Variants in BTN2A2 observed in about 807,000 individuals in gnomAD.
BTN2A2 encodes butyrophilin 2.
A neutral mutation model predicts 34.7 loss-of-function variants in BTN2A2; 29 were observed. The ratio of observed to expected loss-of-function variants is 0.84; its 90% CI spans 0.62 to 1.14. The LOEUF is 1.14. Ranked by LOEUF, BTN2A2 falls within the 50% of genes most tolerant of loss-of-function variation. The pLI is 0.00. For synonymous variants in BTN2A2, 240 were observed against 253.1 expected (o/e 0.95, Z 0.49); for missense variants, 612 against 651.5 (o/e 0.94, Z 0.66).
Position 26,393,268 on chromosome 6 carries a change from T to G in BTN2A2, c.*301T>G. ...AGAAGCTGTTGGGCAGCGAACCTAC[T>G]GTTTAAAATCAGGATAACCACATTA... On this transcript the variant is annotated 3_prime_UTR_variant, in exon 8 of 8. Coordinates refer to ENST00000356709, the MANE Select transcript of BTN2A2 (RefSeq NM_006995.5). The G allele has an allele frequency of 7.1e-7, 1 of 1,404,862 alleles. No homozygotes were observed. Among genetic ancestry groups the G allele is most frequent in the Non-Finnish European group, 9.3e-7 (1 of 1,073,922 alleles). The allele number at this position is 1,404,862 out of a possible 1,614,324, so 87.0% of individuals were successfully genotyped here.
rs1761780930 is a variant in BTN2A2 at position 26,394,800 on chromosome 6, G to A, written c.*1833G>A. 1 of 154,564 alleles carries A rather than the reference G, an allele frequency of 6.5e-6. No homozygotes were observed. Among genetic ancestry groups the A allele is most frequent in the Non-Finnish European group, 1.4e-5 (1 of 69,782 alleles). 9.6% of individuals were successfully genotyped at this position (154,564 alleles called of 1,614,324 possible). ...TATCTGTATGTGCATCTATATCTAT[G>A]CCTATATCTATATCTATATCATATT... On this transcript the variant is annotated 3_prime_UTR_variant, in exon 8 of 8. Coordinates refer to ENST00000356709, the MANE Select transcript of BTN2A2 (RefSeq NM_006995.5).
Position 26,383,368 on chromosome 6 carries a change from C to G in BTN2A2, c.-31+187C>G, listed in dbSNP as rs912679820. On this transcript the variant is annotated intron_variant, in intron 1 of 7. Coordinates refer to ENST00000356709, the MANE Select transcript of BTN2A2 (RefSeq NM_006995.5). The surrounding 1 kb of genome is among the most constrained non-coding windows in gnomAD (Gnocchi z 4.4). ...CCGGGGTGGGGGCGGTAGCTGGGGG[C>G]GGTAGGTGCGGGGAGCGGGATCTGC... The G allele has an allele frequency of 3.7e-5, 6 of 164,350 alleles. No individual in the cohort carries two copies. Among genetic ancestry groups the G allele is most frequent in the Non-Finnish European group, 7.8e-5 (6 of 76,848 alleles). The allele number at this position is 164,350 out of a possible 1,614,324, so 10.2% of individuals were successfully genotyped here. A position where few individuals can be genotyped will look rare whatever the true frequency, so the allele number is the denominator to read the frequency against.
Position 26,384,227 on chromosome 6 carries a change from G to A in BTN2A2, c.94+312G>A, listed in dbSNP as rs1280724701. 1.3e-5 allele frequency among the ~76,000 whole-genome samples: 2 copies of A among 152,168 alleles called. No individual in the cohort carries two copies. Among genetic ancestry groups the A allele is most frequent in the Non-Finnish European group, 2.9e-5 (2 of 68,028 alleles). On this transcript the variant is annotated intron_variant, in intron 2 of 7. Coordinates refer to ENST00000356709, the MANE Select transcript of BTN2A2 (RefSeq NM_006995.5). The surrounding 1 kb of genome is among the most constrained non-coding windows in gnomAD (Gnocchi z 4.0). ...ATGGAGAATGAGATCATAACTCACT[G>A]TAACCTGAAACTCCTGGGCTCAAGG...
In BTN2A2 at chr6:26,385,637, G is replaced by C. The variant is rs1581591648; in HGVS notation, c.442+275G>C. The C allele has an allele frequency of 9.1e-6, 3 of 329,990 alleles. No individual in the cohort carries two copies. In the East Asian group the frequency reaches 2.0e-4, roughly 22 times the overall value. The allele number at this position is 329,990 out of a possible 1,614,324, so 20.4% of individuals were successfully genotyped here. A position where few individuals can be genotyped will look rare whatever the true frequency, so the allele number is the denominator to read the frequency against. ...GCGATCTTGGCTCACTGCAACCTCT[G>C]CCTCCTGGGTTCAAGCTATTCTCCT... On this transcript the variant is annotated intron_variant, in intron 3 of 7. Coordinates refer to ENST00000356709, the MANE Select transcript of BTN2A2 (RefSeq NM_006995.5).
chr6:26,390,996 T>C, intron 7 of BTN2A2, 167 bp downstream of exon 7: 1 of 1,001,690 alleles, frequency 1.0e-6, no homozygotes, highest in Non-Finnish European at 1.5e-6. Flanking sequence ...GGCTCTTCTG[T>C]CAGGGAACCC....
chr6:26,393,946 G>T lies in BTN2A2; in HGVS notation c.*979G>T. ...TAGGTTAATGTAGATAGGATGTTTTGTGAAAAAGCAATCTATTGTGTCCAA... is the reference window on the plus strand; with the variant it reads ...TAGGTTAATGTAGATAGGATGTTTTTTGAAAAAGCAATCTATTGTGTCCAA... On this transcript the variant is annotated 3_prime_UTR_variant, in exon 8 of 8. Transcript: ENST00000356709. 3.3e-6 allele frequency: 1 copy of T among 304,558 alleles called. No individual in the cohort carries two copies. Among genetic ancestry groups the T allele is most frequent in the East Asian group, 9.5e-5 (1 of 10,528 alleles). 18.9% of individuals were successfully genotyped at this position (304,558 alleles called of 1,614,324 possible). A position where few individuals can be genotyped will look rare whatever the true frequency, so the allele number is the denominator to read the frequency against.
intron 7 of BTN2A2, 31 bp downstream of exon 7, chr6:26,390,860 A>G: frequency 1.2e-6 from 2 of 1,613,600 alleles, no homozygotes. Flanking sequence ...CTCAGATCTC[A>G]GCTTTCTCCC....
Position 26,383,500 on chromosome 6 carries a change from A to G in BTN2A2, c.-30-292A>G. The G allele has an allele frequency of 7.4e-6, 2 of 268,460 alleles. No homozygotes were observed. The highest frequency in any genetic ancestry group is 7.1e-6 in the Non-Finnish European group (1 of 140,068). 16.6% of individuals were successfully genotyped at this position (268,460 alleles called of 1,614,324 possible). A position where few individuals can be genotyped will look rare whatever the true frequency, so the allele number is the denominator to read the frequency against. On this transcript the variant is annotated intron_variant, in intron 1 of 7. Coordinates refer to ENST00000356709, the MANE Select transcript of BTN2A2 (RefSeq NM_006995.5). The surrounding 1 kb of genome is among the most constrained non-coding windows in gnomAD (Gnocchi z 4.4). ...CCCGACCTGGGTCTCGGGGAGGGGG[A>G]AGTGGAGGGACGAGGGTGTGAAAGA...
chr6:26,383,799 G>T lies in BTN2A2; in HGVS notation c.-23G>T. The T allele has an allele frequency of 6.2e-7, 1 of 1,611,630 alleles. No individual in the cohort carries two copies. Among genetic ancestry groups the T allele is most frequent in the South Asian group, 1.1e-5 (1 of 91,034 alleles). ...CCTCCTCTGTAACCCTAGGCCTCTGGTCTCTGCCTGCCCTGGGTGCTCATG... is the reference window on the plus strand; with the variant it reads ...CCTCCTCTGTAACCCTAGGCCTCTGTTCTCTGCCTGCCCTGGGTGCTCATG... On this transcript the variant is annotated 5_prime_UTR_variant, in exon 2 of 8. Transcript: ENST00000356709. This position sits in a 1 kb window ranked among gnomAD's most constrained non-coding sequence, Gnocchi z 4.4.
Position 26,384,009 on chromosome 6 carries a change from T to C in BTN2A2, c.94+94T>C. 1 of 1,388,182 alleles carries C rather than the reference T, an allele frequency of 7.2e-7. No homozygotes were observed. 86.0% of individuals were successfully genotyped at this position (1,388,182 alleles called of 1,614,324 possible). A position where few individuals can be genotyped will look rare whatever the true frequency, so the allele number is the denominator to read the frequency against. ...GAAAGAAGGAAGAACTGTGGGGTTG[T>C]TGACTTATCCTTTCATTCTGAACAT... On this transcript the variant is annotated intron_variant, in intron 2 of 7. Coordinates refer to ENST00000356709, the MANE Select transcript of BTN2A2 (RefSeq NM_006995.5). The surrounding 1 kb of genome is among the most constrained non-coding windows in gnomAD (Gnocchi z 4.0).
intron 4 of BTN2A2, 31 bp from the exon 5 acceptor site, chr6:26,389,974 A>C (rs775434637): frequency 1.1e-5 from 18 of 1,605,696 alleles, no homozygotes; most frequent in Non-Finnish European, 1.5e-5. Flanking sequence ...TCTATTTCAA[A>C]CTAAATGGAC....
intron 5 of BTN2A2, chr6:26,390,459 C>T (rs1761503365): frequency 1.5e-6 from 1 of 683,382 alleles, no homozygotes; most frequent in Admixed American, 2.7e-5. Flanking sequence ...TGGCTATATG[C>T]AGCACTACAT....
In BTN2A2 at chr6:26,384,033, A is replaced by T. The variant is rs1761028480; in HGVS notation, c.94+118A>T. 2.5e-6 allele frequency: 3 copies of T among 1,188,148 alleles called. No homozygotes were observed. The highest frequency in any genetic ancestry group is 3.7e-6 in the Non-Finnish European group (3 of 813,340). 73.6% of individuals were successfully genotyped at this position (1,188,148 alleles called of 1,614,324 possible). ...GTTGACTTATCCTTTCATTCTGAAC[A>T]TGTTCACTGAATTTATACCAGCACT... On this transcript the variant is annotated intron_variant, in intron 2 of 7. Coordinates refer to ENST00000356709, the MANE Select transcript of BTN2A2 (RefSeq NM_006995.5). The surrounding 1 kb of genome is among the most constrained non-coding windows in gnomAD (Gnocchi z 4.0).
chr6:26,392,244 G>A (rs1761620209), intron 7 of BTN2A2, 131 bp from the exon 8 acceptor site: 1 of 1,556,878 alleles, frequency 6.4e-7, no homozygotes, highest in South Asian at 1.2e-5. Context: ...CTGGGATCAG[G>A]GGACCTTCAT....
chr6:26,389,061 G>A (rs952264766), intron 4 of BTN2A2, among the ~76,000 whole-genome samples: 4 of 151,910 alleles, frequency 2.6e-5, no homozygotes, highest in Admixed American at 6.6e-5. Flanking sequence ...CAGAGCTTGC[G>A]TCAAGATCGT....
At chr6:26,385,711 C>T (rs1263072474) in intron 3 of BTN2A2, among the ~76,000 whole-genome samples, 12 of 152,104 alleles carry the variant, frequency 7.9e-5, no homozygotes, top group Admixed American at 1.3e-4. Flanking sequence ...CCACCATGCC[C>T]GGCTAATTTT....
At chr6:26,390,612 G>C (rs144759707) in intron 5 of BTN2A2, 75 bp from the exon 6 acceptor site, 5 of 1,591,764 alleles carry the variant, frequency 3.1e-6, no homozygotes, top group Non-Finnish European at 4.3e-6. Context: ...TGGTTCCTAC[G>C]TTGTTTAATA....
At position 26,385,358 on chromosome 6, in the gene BTN2A2, G is replaced by A. The variant is rs1302351072; in HGVS notation, c.438G>A (p.Val146=). The A allele has an allele frequency of 3.1e-6, 5 of 1,611,872 alleles. No individual in the cohort carries two copies. The highest frequency in any genetic ancestry group is 3.4e-6 in the Non-Finnish European group (4 of 1,178,384). The change falls in exon 3 of 8, where the codon GTG becomes GTA. Residue 146 remains valine, a synonymous_variant. Coordinates refer to ENST00000356709, the MANE Select transcript of BTN2A2 (RefSeq NM_006995.5). The part of the protein sequence containing the change: ...SYDEAILRLV[V]AGLGSKPLIE... ...ATGAGGCCATCCTACGCCTCGTGGT[G>A]GCAGGTGCATCACTTCATTTTGCTT...
At chr6:26,387,920 A>G in intron 3 of BTN2A2, 93 bp from the exon 4 acceptor site, 1 of 1,380,924 alleles carries the variant, frequency 7.2e-7, no homozygotes, top group Non-Finnish European at 9.9e-7. Context: ...GATGTTCTCC[A>G]AAACCAAGGG....
Sources: gnomAD v4.1 joint callset for allele counts (sites outside exome capture counted in the v4.1 genomes callset) on GRCh38, gnomAD v4.1.1 for gene constraint, Gnocchi (gnomAD v3.1) non-coding constraint, MANE v1.5 for transcripts, NCBI Gene and HGNC (gene_info 2026-07-23, HGNC 2026-07-21) for gene names.